AGBL1: variants seen among roughly 807,000 people sequenced by gnomAD.
AGBL1 encodes the protein AGBL carboxypeptidase 1.
Under a neutral mutation model 118.9 loss-of-function variants are expected in AGBL1, and 130 were observed. The ratio of observed to expected loss-of-function variants is 1.09; its 90% CI spans 0.95 to 1.26. The LOEUF (loss-of-function observed/expected upper bound fraction) is 1.26. AGBL1 is among the 50% of genes most tolerant of loss of function. The pLI, the probability that AGBL1 is intolerant of heterozygous loss-of-function variation, is 0.00. For synonymous variants in AGBL1, 555 were observed against 478.9 expected, an observed-to-expected ratio of 1.16 and a Z score of -2.08; for missense variants, 1,584 against 1,298.1, an observed-to-expected ratio of 1.22 and a Z score of -3.38.
At chr15:86,918,363 C>T (rs538791367), downstream of AGBL1, among the ~76,000 whole-genome samples, 5 of 152,132 alleles carry the variant, frequency 3.3e-5, no homozygotes, top group Non-Finnish European at 7.3e-5. Flanking sequence ...CCCATTCTCC[C>T]CATGGTGTAA....
At chr15:86,592,436 CA>C (rs1596296534) in intron 21 of AGBL1, among the ~76,000 whole-genome samples, 1 of 152,308 alleles carries the variant, frequency 6.6e-6, no homozygotes, top group East Asian at 1.9e-4. Flanking sequence ...TTGAGAGATC[CA>C]AGTGTGCTGT....
intron 23 of AGBL1, among the ~76,000 whole-genome samples, chr15:86,966,884 C>G (rs2081059833): frequency 1.3e-5 from 2 of 152,032 alleles, no homozygotes; most frequent in Admixed American, 6.6e-5. Context: ...AGTTCTAGAT[C>G]CCCGAGAAAT....
chr15:86,604,460 A>G (rs1307574664), intron 21 of AGBL1, among the ~76,000 whole-genome samples: 1 of 152,184 alleles, frequency 6.6e-6, no homozygotes, highest in Non-Finnish European at 1.5e-5. Context: ...TAAAATTTCA[A>G]TCCATGTTTT....
At chr15:86,184,633 CAT>C (rs1424261817) in intron 5 of AGBL1, among the ~76,000 whole-genome samples, 1 of 152,126 alleles carries the variant, frequency 6.6e-6, no homozygotes, top group African/African-American at 2.4e-5. Flanking sequence ...GGTCTTTTCA[CAT>C]AGTCCCATAT....
At chr15:86,364,250 A>C (rs967314998) in intron 17 of AGBL1, among the ~76,000 whole-genome samples, 7 of 152,326 alleles carry the variant, frequency 4.6e-5, no homozygotes, top group Middle Eastern at 3.4e-3. Flanking sequence ...AACCACCATG[A>C]ATAACAGCCA....
intron 22 of AGBL1, among the ~76,000 whole-genome samples, chr15:86,777,775 TTTTTC>T (rs2078279682): frequency 6.6e-6 from 1 of 152,164 alleles, no homozygotes; most frequent in South Asian, 2.1e-4. Context: ...CTCTTCTGTT[TTTTTC>T]TTTTAATTTT....
chr15:86,919,163 C>T (rs1284649167), downstream of AGBL1, among the ~76,000 whole-genome samples: 1 of 152,192 alleles, frequency 6.6e-6, no homozygotes, highest in Admixed American at 6.5e-5. Context: ...AAATCCTAAA[C>T]TGTTACTGTT....
At chr15:86,678,938 T>C (rs2085899035) in intron 22 of AGBL1, among the ~76,000 whole-genome samples, 1 of 152,130 alleles carries the variant, frequency 6.6e-6, no homozygotes, top group Non-Finnish European at 1.5e-5. Context: ...GGATTTGTAT[T>C]CTGTTCCATT....
intron 22 of AGBL1, among the ~76,000 whole-genome samples, chr15:86,801,103 C>T (rs2078642568): frequency 1.3e-5 from 2 of 151,874 alleles, no homozygotes; most frequent in South Asian, 4.2e-4. Context: ...TTTTTATGGC[C>T]CATCCTCAAA....
At chr15:86,947,062 G>A (rs538748392) in intron 23 of AGBL1, among the ~76,000 whole-genome samples, 2 of 152,178 alleles carry the variant, frequency 1.3e-5, no homozygotes, top group African/African-American at 4.8e-5. Flanking sequence ...AGGGACTACC[G>A]ACTTAATCAG....
At chr15:86,754,363 C>T (rs1456014656) in intron 22 of AGBL1, among the ~76,000 whole-genome samples, 4 of 151,984 alleles carry the variant, frequency 2.6e-5, no homozygotes, top group Non-Finnish European at 5.9e-5. Context: ...CTCAAGGGTA[C>T]CAAGGAATTT....
chr15:86,791,723 G>GTTTT (rs201460905), intron 22 of AGBL1, among the ~76,000 whole-genome samples: 1 of 106,942 alleles, frequency 9.4e-6, no homozygotes, highest in African/African-American at 3.4e-5. Flanking sequence ...ATCTTTCCTT[G>GTTTT]TTTTTTATAT....
chr15:86,433,710 A>G (rs868075598), intron 18 of AGBL1, among the ~76,000 whole-genome samples: 1 of 152,102 alleles, frequency 6.6e-6, no homozygotes, highest in Non-Finnish European at 1.5e-5. Flanking sequence ...CTCCCACTCA[A>G]TCTCCAAGCT....
At chr15:86,878,381 A>G (rs1177333913) in intron 22 of AGBL1, among the ~76,000 whole-genome samples, 2 of 152,186 alleles carry the variant, frequency 1.3e-5, no homozygotes, top group Non-Finnish European at 2.9e-5. Context: ...TGTTTACAAA[A>G]ACAGGCAGTG....
intron 22 of AGBL1, among the ~76,000 whole-genome samples, chr15:86,682,816 T>A (rs1433863804): frequency 1.3e-5 from 2 of 152,150 alleles, no homozygotes; most frequent in Non-Finnish European, 2.9e-5. Context: ...GGCCTTACCA[T>A]GAACTAGATG....
chr15:86,549,819 G>C (rs920347914), intron 20 of AGBL1, among the ~76,000 whole-genome samples: 2 of 140,110 alleles, frequency 1.4e-5, no homozygotes, highest in Non-Finnish European at 3.1e-5. Flanking sequence ...AGAACAGAAA[G>C]AAGGAAGGAA....
intron 22 of AGBL1, among the ~76,000 whole-genome samples, chr15:86,689,488 A>G (rs183367549): frequency 2.3e-4 from 35 of 152,254 alleles, no homozygotes; most frequent in African/African-American, 8.4e-4. Context: ...ATAATAAATG[A>G]ACAAATCTTT....
At chr15:86,794,374 A>G (rs934864714) in intron 22 of AGBL1, among the ~76,000 whole-genome samples, 4 of 152,198 alleles carry the variant, frequency 2.6e-5, no homozygotes, top group Non-Finnish European at 4.4e-5. Flanking sequence ...AGATAATTCT[A>G]TTTTTATGGA....
At chr15:86,085,995 G>A (rs1382021858) in intron 1 of AGBL1, among the ~76,000 whole-genome samples, 2 of 152,206 alleles carry the variant, frequency 1.3e-5, no homozygotes, top group African/African-American at 4.8e-5. Flanking sequence ...GCAGGGCAGA[G>A]GGTGGACAGG....
Sources: allele counts gnomAD v4.1 joint callset (sites outside exome capture counted in the v4.1 genomes callset), GRCh38; gene constraint gnomAD v4.1.1; transcripts MANE v1.5; gene names NCBI Gene and HGNC (gene_info 2026-07-23, HGNC 2026-07-21).